Variants in ADGRG6 observed in about 807,000 individuals in gnomAD.
ADGRG6 encodes the protein adhesion G protein-coupled receptor G6, also known as G-protein coupled receptor 126.
ADGRG6 carries 84 observed loss-of-function variants against 142.4 expected under a neutral mutation model. The observed-to-expected ratio is 0.59, with a 90% confidence interval of 0.49 to 0.71. The LOEUF is 0.71. ADGRG6 is among the 30% of genes least tolerant of loss of function. ADGRG6 has a pLI of 0.00. For synonymous variants in ADGRG6, 521 were observed against 520.5 expected, an observed-to-expected ratio of 1.00 and a Z score of -0.01; for missense variants, 1,367 against 1,466.6, an observed-to-expected ratio of 0.93 and a Z score of 1.11.
chr6:142,439,365 A>C (rs1474647879), intron 24 of ADGRG6, among the ~76,000 whole-genome samples: 1 of 152,224 alleles, frequency 6.6e-6, no homozygotes, highest in Non-Finnish European at 1.5e-5. Context: ...TTAGCTATTA[A>C]ACATGAGCAG....
At chr6:142,442,445 A>G (rs1411722498) in intron 24 of ADGRG6, among the ~76,000 whole-genome samples, 1 of 152,202 alleles carries the variant, frequency 6.6e-6, no homozygotes, top group East Asian at 1.9e-4. Context: ...TCAGAACACT[A>G]TCTGAGCCAA....
chr6:142,391,014 C>T (rs985635063), intron 7 of ADGRG6, among the ~76,000 whole-genome samples: 2 of 151,658 alleles, frequency 1.3e-5, no homozygotes, highest in Non-Finnish European at 3.0e-5. Context: ...CATTATGTGG[C>T]TGTTCAGTCA....
chr6:142,435,489 G>A (rs186458861), intron 22 of ADGRG6, among the ~76,000 whole-genome samples: 4 of 151,482 alleles, frequency 2.6e-5, no homozygotes, highest in African/African-American at 7.2e-5. Context: ...TAATTTGACC[G>A]CTCAGTCCTA....
intron 2 of ADGRG6, among the ~76,000 whole-genome samples, chr6:142,345,217 T>G (rs1779838051): frequency 6.6e-6 from 1 of 152,042 alleles, no homozygotes; most frequent in Non-Finnish European, 1.5e-5. Flanking sequence ...AATAACGTTT[T>G]TCGATACAAA....
chr6:142,312,277 T>C (rs1052964978), intron 2 of ADGRG6, among the ~76,000 whole-genome samples: 3 of 152,076 alleles, frequency 2.0e-5, no homozygotes, highest in Non-Finnish European at 4.4e-5. Context: ...CATCCATAGT[T>C]TAATTCTTAT....
At chr6:142,319,731 C>G (rs1005950884) in intron 2 of ADGRG6, among the ~76,000 whole-genome samples, 11 of 152,104 alleles carry the variant, frequency 7.2e-5, no homozygotes, top group Admixed American at 2.0e-4. Context: ...TCAAGTGAAA[C>G]AGAGAGAAAG....
chr6:142,353,265 C>T (rs1428726621), intron 2 of ADGRG6, among the ~76,000 whole-genome samples: 1 of 151,958 alleles, frequency 6.6e-6, no homozygotes, highest in Non-Finnish European at 1.5e-5. Context: ...TTTTATTTTA[C>T]TTCTTTGCAT....
At chr6:142,339,991 T>C (rs1353962552) in intron 2 of ADGRG6, among the ~76,000 whole-genome samples, 1 of 152,130 alleles carries the variant, frequency 6.6e-6, no homozygotes, top group Non-Finnish European at 1.5e-5. Flanking sequence ...AAAAAAGCTT[T>C]TGAATATTAG....
intron 2 of ADGRG6, among the ~76,000 whole-genome samples, chr6:142,312,082 C>T (rs1440960180): frequency 6.6e-6 from 1 of 152,012 alleles, no homozygotes; most frequent in Non-Finnish European, 1.5e-5. Flanking sequence ...CAAAGGAGCG[C>T]CACTGGATCA....
chr6:142,324,709 TC>T (rs1773491515), intron 2 of ADGRG6, among the ~76,000 whole-genome samples: 1 of 152,156 alleles, frequency 6.6e-6, no homozygotes, highest in South Asian at 2.1e-4. Flanking sequence ...CCAGTTTTCC[TC>T]CATCTGTCAT....
In ADGRG6 at chr6:142,445,532, T is replaced by C. The variant is rs1264519338; in HGVS notation, c.*2017T>C. 2 of 152,222 alleles carry C rather than the reference T, an allele frequency of 1.3e-5. No individual in the cohort carries two copies. Among genetic ancestry groups the C allele is most frequent in the Non-Finnish European group, 2.9e-5 (2 of 68,034 alleles). The allele number at this position is 152,222 out of a possible 1,614,324, so 9.4% of individuals were successfully genotyped here. A position where few individuals can be genotyped will look rare whatever the true frequency, so the allele number is the denominator to read the frequency against. The stretch of plus-strand genomic sequence containing the variant: ...GATATAGCTTCAAAAATGGCTTTGC[T>C]TTTGATTTCTACTCATATTCGTATG... On this transcript the variant is annotated 3_prime_UTR_variant, in exon 25 of 25. Transcript: ENST00000367609.
In ADGRG6 at chr6:142,367,841, G is replaced by C. The variant is rs1781027739; in HGVS notation, c.376G>C (p.Glu126Gln). The C allele has an allele frequency of 6.2e-7, 1 of 1,613,754 alleles. No individual in the cohort carries two copies. Among genetic ancestry groups the C allele is most frequent in the South Asian group, 1.1e-5 (1 of 91,080 alleles). ...CCTATCATTTAACTCAAGTGCGAAT[G>C]AGATGCATGTGTCCTTTTCAAGTGA... The part of the protein sequence containing the change: ...KGLSFNSSAN[E>Q]MHVSFSSDFS... The change falls in exon 3 of 25, where the codon GAG (glutamate) becomes CAG (glutamine). Residue 126 changes from glutamate to glutamine, a missense_variant. Physicochemically the swap from Glu to Gln is conservative, Grantham distance 29 (BLOSUM62 2). This residue lies in a region of ADGRG6 where 737 missense variants were observed against 746.5 expected (regional missense o/e 0.99). Coordinates refer to ENST00000367609, the MANE Select transcript of ADGRG6 (RefSeq NM_198569.3).
chr6:142,315,862 AATAAAT>A (rs1238495050), intron 2 of ADGRG6, among the ~76,000 whole-genome samples: 26 of 148,196 alleles, frequency 1.8e-4, no homozygotes, highest in Non-Finnish European at 3.0e-4. Flanking sequence ...TAAATAAATA[AATAAAT>A]AAAGCAAGGT....
At position 142,324,844 on chromosome 6, in the gene ADGRG6, T is replaced by C. The variant is rs193096925; in HGVS notation, c.103+15200T>C. Among the ~76,000 whole-genome samples, 120 of 152,272 alleles carry C rather than the reference T, an allele frequency of 7.9e-4. 1 individual carries two copies. Among genetic ancestry groups the C allele is most frequent in the African/African-American group, 2.8e-3 (115 of 41,566 alleles). On this transcript the variant is annotated intron_variant, in intron 2 of 24. Coordinates refer to ENST00000367609, the MANE Select transcript of ADGRG6 (RefSeq NM_198569.3). ...CTACAGGTAGGGAGTATATCTTCTT[T>C]ATTTTTGGATTCTGCCCAAAACTAA...
At chr6:142,339,033 C>G (rs1779490363) in intron 2 of ADGRG6, among the ~76,000 whole-genome samples, 1 of 152,168 alleles carries the variant, frequency 6.6e-6, no homozygotes, top group Non-Finnish European at 1.5e-5. Flanking sequence ...AATCTTTATA[C>G]TCTTAAAACT....
At chr6:142,428,567 A>G (rs1419164152) in intron 22 of ADGRG6, among the ~76,000 whole-genome samples, 1 of 152,210 alleles carries the variant, frequency 6.6e-6, no homozygotes, top group Non-Finnish European at 1.5e-5. Context: ...TCACAGTTCC[A>G]TATGGCTGGG....
chr6:142,408,233 T>C lies in ADGRG6; in HGVS notation c.2352T>C (p.Asp784=). The change falls in exon 16 of 25, where the codon GAT becomes GAC. Residue 784 remains aspartate (D), a synonymous_variant. Coordinates refer to ENST00000367609, the MANE Select transcript of ADGRG6 (RefSeq NM_198569.3). ...IGNITIQNLK[D]PVQIKIKHTR... ...ACATTACTATCCAGAATCTGAAGGA[T>C]CCTGTTCAAATAAAAATCAAACATA... is the stretch of plus-strand genomic sequence containing the variant. 2 of 1,579,662 alleles carry C rather than the reference T, an allele frequency of 1.3e-6. No individual in the cohort carries two copies. The highest frequency in any genetic ancestry group is 1.7e-6 in the Non-Finnish European group (2 of 1,159,842).
At chr6:142,341,434 AT>A (rs1779619697) in intron 2 of ADGRG6, among the ~76,000 whole-genome samples, 1 of 119,348 alleles carries the variant, frequency 8.4e-6, no homozygotes, top group African/African-American at 3.3e-5. Context: ...TATAATATAT[AT>A]AATTATATAT....
chr6:142,313,632 G>A (rs1370359354), intron 2 of ADGRG6, among the ~76,000 whole-genome samples: 1 of 152,086 alleles, frequency 6.6e-6, no homozygotes, highest in Non-Finnish European at 1.5e-5. Context: ...TCTAGCCCAG[G>A]GCACAGCATA....
Sources: gnomAD v4.1 joint callset for allele counts (sites outside exome capture counted in the v4.1 genomes callset) on GRCh38, gnomAD v4.1.1 for gene constraint, gnomAD v4.1.1 regional missense constraint, MANE v1.5 for transcripts, NCBI Gene and HGNC (gene_info 2026-07-23, HGNC 2026-07-21) for gene names.